Variants in APTX observed in about 807,000 individuals in gnomAD.
APTX encodes the protein aprataxin.
APTX carries 33 observed loss-of-function variants against 42.3 expected under a neutral mutation model. That is an observed-to-expected ratio of 0.78 (90% confidence interval 0.59 to 1.04). APTX has a LOEUF of 1.04. Among genes scored for constraint, APTX ranks in the 50% least tolerant of loss-of-function variants. The pLI, the probability that APTX is intolerant of heterozygous loss-of-function variation, is 0.00. For synonymous variants in APTX, 130 were observed against 146.7 expected, an observed-to-expected ratio of 0.89 and a Z score of 0.82; for missense variants, 421 against 415.1, an observed-to-expected ratio of 1.01 and a Z score of -0.12.
chr9:33,012,199 T>C (rs1564002558), intron 1 of APTX, among the ~76,000 whole-genome samples: 2 of 152,094 alleles, frequency 1.3e-5, no homozygotes, highest in South Asian at 4.1e-4. Flanking sequence ...TTAACCACCC[T>C]CCAAAGGGCT....
At chr9:32,985,936 T>C (rs1831896708) in intron 5 of APTX, 35 bp downstream of exon 5, 1 of 1,588,932 alleles carries the variant, frequency 6.3e-7, no homozygotes, top group Admixed American at 1.7e-5. Flanking sequence ...ATTTACAACA[T>C]GAAATGTACT....
chr9:33,004,171 T>C (rs1836955123), upstream of APTX, among the ~76,000 whole-genome samples: 1 of 152,230 alleles, frequency 6.6e-6, no homozygotes, highest in South Asian at 2.1e-4. Context: ...AACTCAGGAA[T>C]GGAAAACCAA....
intron 1 of APTX, chr9:33,019,765 A>C (rs1479336581): frequency 5.1e-6 from 3 of 590,040 alleles, no homozygotes; most frequent in African/African-American, 3.9e-5. Context: ...GATGGTCGAG[A>C]AAGTTGATAA....
chr9:33,009,049 T>A (rs1837353159), intron 1 of APTX, among the ~76,000 whole-genome samples: 1 of 152,250 alleles, frequency 6.6e-6, no homozygotes, highest in South Asian at 2.1e-4. Context: ...CTTTTAGGAC[T>A]GGTTAACTTC....
intron 6 of APTX, among the ~76,000 whole-genome samples, chr9:32,983,640 T>TA (rs899863047): frequency 5.3e-5 from 8 of 151,028 alleles, no homozygotes; most frequent in African/African-American, 1.5e-4. Context: ...TGTTGGTAGT[T>TA]AAAAAAAAAT....
chr9:32,987,587 C>A lies in APTX; in HGVS notation c.440G>T (p.Cys147Phe). The A allele has an allele frequency of 6.2e-7, 1 of 1,614,156 alleles. No individual in the cohort carries two copies. Among genetic ancestry groups the A allele is most frequent in the East Asian group, 2.2e-5 (1 of 44,884 alleles). Reference protein sequence around the residue: ...GLEPGSNSGQCSVPLKKGKDA... With the variant: ...GLEPGSNSGQFSVPLKKGKDA... The stretch of plus-strand genomic sequence containing the variant: ...TTTTCCCTTCTTTAGGGGCACAGAG[C>A]ATTGGCCAGAGTTGCTCCCAGGTTC... The change falls in exon 4 of 8, where the codon TGC becomes TTC. Residue 147 changes from cysteine (C) to phenylalanine (F), a missense_variant. By Grantham distance (205) the Cys-to-Phe change is radical. Coordinates refer to ENST00000379817, the MANE Select transcript of APTX (RefSeq NM_001195248.2).
chr9:32,998,707 C>T (rs759695268), intron 1 of APTX, among the ~76,000 whole-genome samples: 1 of 151,820 alleles, frequency 6.6e-6, no homozygotes, highest in Non-Finnish European at 1.5e-5. Flanking sequence ...ACATCACACA[C>T]TGGGGCGTGT....
intron 6 of APTX, among the ~76,000 whole-genome samples, chr9:32,982,915 A>G (rs978325646): frequency 2.6e-5 from 4 of 152,186 alleles, no homozygotes; most frequent in African/African-American, 9.6e-5. Context: ...CTATGACCTA[A>G]CAATTCCATC....
chr9:32,994,502 T>G (rs2183870), intron 1 of APTX, among the ~76,000 whole-genome samples: 68,519 of 152,014 alleles, frequency 0.45, 15,825 homozygotes, highest in South Asian at 0.55. Flanking sequence ...CATACTGGCA[T>G]ACCTGCTTTG....
At chr9:32,992,842 T>C (rs1456938268) in intron 1 of APTX, among the ~76,000 whole-genome samples, 1 of 152,200 alleles carries the variant, frequency 6.6e-6, no homozygotes, top group Non-Finnish European at 1.5e-5. Context: ...GTGAAGGAGC[T>C]GATGCAGGTG....
At chr9:32,973,984 G>T (rs1368983767) in intron 7 of APTX, among the ~76,000 whole-genome samples, 1 of 151,980 alleles carries the variant, frequency 6.6e-6, no homozygotes, top group African/African-American at 2.4e-5. Flanking sequence ...CAATGCTTAA[G>T]TTCTTACACA....
Position 32,974,481 on chromosome 9 carries a change from G to T in APTX, c.851C>A (p.Thr284Lys). The change falls in exon 7 of 8, where the codon ACA becomes AAA. Residue 284 changes from threonine to lysine, a missense_variant. Transcript: ENST00000379817. ...ACCTTGTGATTCTAGGAAGTATTCT[G>T]TATTGAAAGAATTCCAATGTTTTTT... ...KNKKHWNSFN[T>K]EYFLESQAVI... 1 of 1,598,130 alleles carries T rather than the reference G, an allele frequency of 6.3e-7. No individual in the cohort carries two copies. The highest frequency in any genetic ancestry group is 2.2e-5 in the East Asian group (1 of 44,716).
rs1025632277 is a variant in APTX at position 32,972,944 on chromosome 9, G to A, written c.*554C>T. The A allele has an allele frequency of 4.4e-6, 2 of 453,964 alleles. No individual in the cohort carries two copies. The highest frequency in any genetic ancestry group is 4.0e-5 in the African/African-American group (2 of 49,988). The allele number at this position is 453,964 out of a possible 1,614,324, so 28.1% of individuals were successfully genotyped here. On this transcript the variant is annotated 3_prime_UTR_variant, in exon 8 of 8. Coordinates refer to ENST00000379817, the MANE Select transcript of APTX (RefSeq NM_001195248.2). ...GAAGAACTGATGAGACAGAATTCCT[G>A]AGAAGGGAACATTTAGGTAATCTGG...
chr9:33,005,394 T>C (rs1466290989), upstream of APTX, among the ~76,000 whole-genome samples: 2 of 152,180 alleles, frequency 1.3e-5, no homozygotes, highest in Non-Finnish European at 2.9e-5. Flanking sequence ...GTTTAGGTCT[T>C]TGATCCATTT....
rs1344321400 is a variant in APTX, at chr9:32,972,904, C to T, written c.*594G>A. ...CCAACCCCCCACACCATCATCTAGC[C>T]TCTTTTCTCACTGTGAAGAACTGAT... On this transcript the variant is annotated 3_prime_UTR_variant, in exon 8 of 8. Transcript: ENST00000379817. 2.6e-5 allele frequency: 12 copies of T among 454,004 alleles called. No homozygotes were observed. The highest frequency in any genetic ancestry group is 4.9e-5 in the Non-Finnish European group (11 of 226,800). 28.1% of individuals were successfully genotyped at this position (454,004 alleles called of 1,614,324 possible).
chr9:32,988,991 AAAG>A (rs1170621129), intron 2 of APTX, among the ~76,000 whole-genome samples: 2 of 152,118 alleles, frequency 1.3e-5, no homozygotes, highest in African/African-American at 4.8e-5. Flanking sequence ...GACAGGGAGG[AAAG>A]AAGAACCACC....
At chr9:33,021,951 C>A (rs1838416550) in intron 1 of APTX, among the ~76,000 whole-genome samples, 2 of 143,000 alleles carry the variant, frequency 1.4e-5, no homozygotes, top group Admixed American at 1.4e-4. Flanking sequence ...CACATCAAGG[C>A]TGTTAATTTA....
At chr9:32,986,780 CGT>C in intron 4 of APTX, among the ~76,000 whole-genome samples, 1 of 151,780 alleles carries the variant, frequency 6.6e-6, no homozygotes, top group South Asian at 2.1e-4. Context: ...GGATTACAGG[CGT>C]GAGCCAGCAC....
At chr9:32,996,243 T>C (rs939775645) in intron 1 of APTX, among the ~76,000 whole-genome samples, 1 of 151,408 alleles carries the variant, frequency 6.6e-6, no homozygotes, top group Non-Finnish European at 1.5e-5. Flanking sequence ...CCTTCAAGTA[T>C]AATATACTGA....
Sources: allele counts gnomAD v4.1 joint callset (sites outside exome capture counted in the v4.1 genomes callset), GRCh38; gene constraint gnomAD v4.1.1; transcripts MANE v1.5; gene names NCBI Gene and HGNC (gene_info 2026-07-23, HGNC 2026-07-21).